TRDN: variants seen among roughly 807,000 people sequenced by gnomAD.
The protein encoded by TRDN is triadin in skeletal muscle.
Under a neutral mutation model 149.7 loss-of-function variants are expected in TRDN, and 161 were observed. The ratio of observed to expected loss-of-function variants is 1.08; its 90% CI spans 0.95 to 1.23. The LOEUF is 1.23. Ranked by LOEUF, TRDN falls within the 50% of genes most tolerant of loss-of-function variation. The pLI is 0.00. For synonymous variants in TRDN, 294 were observed against 250.5 expected, an observed-to-expected ratio of 1.17 and a Z score of -1.64; for missense variants, 896 against 823.5, an observed-to-expected ratio of 1.09 and a Z score of -1.08.
rs1441066761 is a variant in TRDN, at chr6:123,216,509, A to T, written c.*2092T>A. 2 of 151,990 alleles carry T rather than the reference A, an allele frequency of 1.3e-5. No individual in the cohort carries two copies. The highest frequency in any genetic ancestry group is 2.9e-5 in the Non-Finnish European group (2 of 67,946). The allele number at this position is 151,990 out of a possible 1,614,324, so 9.4% of individuals were successfully genotyped here. A position where few individuals can be genotyped will look rare whatever the true frequency, so the allele number is the denominator to read the frequency against. Reference sequence around the variant, plus strand: ...CTAAATTCTAATTACAATAAAATATATCGTTTTATCTTATCAAATAGTTTT... The same window carrying T: ...CTAAATTCTAATTACAATAAAATATTTCGTTTTATCTTATCAAATAGTTTT... On this transcript the variant is annotated 3_prime_UTR_variant, in exon 41 of 41. Transcript: ENST00000334268.
chr6:123,503,832 T>C lies in TRDN; in HGVS notation c.680A>G (p.Gln227Arg). Residue 227 changes from glutamine (Q) to arginine (R), a missense_variant, in exon 8 of 41, where the codon CAG (glutamine) becomes CGG (arginine). Physicochemically the swap from Gln to Arg is conservative, Grantham distance 43. Coordinates refer to ENST00000334268, the MANE Select transcript of TRDN (RefSeq NM_006073.4). ...KTKKEVKGGK[Q>R]EKVKQTAAKV... ...TGCAGCTGTTTGCTTCACTTTCTCCTGTTTTCCACCTTTCACTTCCTTTTT... is the reference window on the plus strand; with the variant it reads ...TGCAGCTGTTTGCTTCACTTTCTCCCGTTTTCCACCTTTCACTTCCTTTTT... 2 of 1,606,440 alleles carry C rather than the reference T, an allele frequency of 1.2e-6. No individual in the cohort carries two copies. The highest frequency in any genetic ancestry group is 2.7e-5 in the African/African-American group (2 of 74,998).
chr6:123,497,963 C>T (rs995273293), intron 8 of TRDN, among the ~76,000 whole-genome samples: 1 of 113,264 alleles, frequency 8.8e-6, no homozygotes, highest in Non-Finnish European at 1.9e-5. Context: ...TTTGGGCAGA[C>T]CTGGTCTTCA....
Position 123,274,621 on chromosome 6 carries a change from T to C in TRDN, c.1597+20A>G, listed in dbSNP as rs1334825625. 11 of 1,600,674 alleles carry C rather than the reference T, an allele frequency of 6.9e-6. No homozygotes were observed. The highest frequency in any genetic ancestry group is 1.1e-5 in the South Asian group (1 of 89,194). ...AGATAATGTCAACTCTGAATCTATATAAAATAAAGCTCATGTTACCTGGTT... is the reference window on the plus strand; with the variant it reads ...AGATAATGTCAACTCTGAATCTATACAAAATAAAGCTCATGTTACCTGGTT... On this transcript the variant is annotated intron_variant, in intron 27 of 40. Transcript: ENST00000334268.
rs979108177 is a variant in TRDN, at chr6:123,216,727, T to C, written c.*1874A>G. The C allele has an allele frequency of 5.9e-5, 9 of 151,918 alleles. No homozygotes were observed. Among genetic ancestry groups the C allele is most frequent in the Middle Eastern group, 3.2e-3 (1 of 316 alleles). 9.4% of individuals were successfully genotyped at this position (151,918 alleles called of 1,614,324 possible). ...TTTACTCATGGAGAAACAAACATAGTATGTTTAGTAAATTTTTCAAGGTCA... is the reference window on the plus strand; with the variant it reads ...TTTACTCATGGAGAAACAAACATAGCATGTTTAGTAAATTTTTCAAGGTCA... On this transcript the variant is annotated 3_prime_UTR_variant, in exon 41 of 41. Coordinates refer to ENST00000334268, the MANE Select transcript of TRDN (RefSeq NM_006073.4).
At chr6:123,230,521 G>T (rs1358679579) in intron 38 of TRDN, among the ~76,000 whole-genome samples, 1 of 133,016 alleles carries the variant, frequency 7.5e-6, no homozygotes, top group African/African-American at 3.0e-5. Context: ...ATATACCCTA[G>T]AACTTAAAGT....
At chr6:123,466,028 A>C (rs184822653) in intron 9 of TRDN, among the ~76,000 whole-genome samples, 112 of 152,316 alleles carry the variant, frequency 7.4e-4, no homozygotes, top group Middle Eastern at 3.4e-3. Flanking sequence ...TGTTCATCAT[A>C]TATGGTTCTT....
In TRDN at chr6:123,520,968, T is replaced by C. The variant is rs114148805; in HGVS notation, c.485-4762A>G. Among the ~76,000 whole-genome samples the C allele has an allele frequency of 4.2e-3, 638 of 152,276 alleles. 7 individuals carry two copies. The highest frequency in any genetic ancestry group is 0.015 in the African/African-American group (604 of 41,568). On this transcript the variant is annotated intron_variant, in intron 5 of 40. Coordinates refer to ENST00000334268, the MANE Select transcript of TRDN (RefSeq NM_006073.4). ...ACAGTACAGGAAGACTAAATGAATT[T>C]GTGGGCTTTAAGAGCATTTTTATAA...
At chr6:123,437,533 G>A (rs951584391) in intron 12 of TRDN, 5 of 206,168 alleles carry the variant, frequency 2.4e-5, no homozygotes, top group Non-Finnish European at 4.9e-5. Context: ...GGCCACTCTA[G>A]TAGCTGGGAC....
At chr6:123,424,223 A>C (rs1204052836) in intron 12 of TRDN, among the ~76,000 whole-genome samples, 1 of 152,124 alleles carries the variant, frequency 6.6e-6, no homozygotes, top group African/African-American at 2.4e-5. Flanking sequence ...CATCAAACTG[A>C]ATAAAAAACT....
chr6:123,492,148 G>T (rs1225055108), intron 9 of TRDN, among the ~76,000 whole-genome samples: 1 of 152,034 alleles, frequency 6.6e-6, no homozygotes, highest in Non-Finnish European at 1.5e-5. Flanking sequence ...ATTCTGATAG[G>T]TGAGTACCCT....
At position 123,499,703 on chromosome 6, in the gene TRDN, C is replaced by CAAAAAAA. The variant is rs775014014; in HGVS notation, c.794-2458_794-2452dup. ...TGGGCAACATAGTGAGATTCTGGCT[C>CAAAAAAA]AAAAAAAAAAAAAAAAATATATATA... On this transcript the variant is annotated intron_variant, in intron 8 of 40. Transcript: ENST00000334268. Among the ~76,000 whole-genome samples the CAAAAAAA allele has an allele frequency of 3.3e-3, 75 of 22,746 alleles. 6 individuals are homozygous for CAAAAAAA. The highest frequency in any genetic ancestry group is 8.1e-3 in the East Asian group (10 of 1,232). 14.9% of individuals were successfully genotyped at this position (22,746 alleles called of 152,430 possible).
intron 38 of TRDN, among the ~76,000 whole-genome samples, chr6:123,232,390 T>C (rs984638481): frequency 6.6e-6 from 1 of 151,902 alleles, no homozygotes; most frequent in Non-Finnish European, 1.5e-5. Context: ...GGGAGACTGT[T>C]GGGGCAGAAA....
intron 3 of TRDN, among the ~76,000 whole-genome samples, chr6:123,547,629 C>T (rs1364019980): frequency 2.0e-5 from 3 of 151,868 alleles, no homozygotes; most frequent in African/African-American, 7.3e-5. Context: ...GGTTATATAT[C>T]ATATTAATTT....
At chr6:123,277,205 T>C (rs988718223) in intron 26 of TRDN, among the ~76,000 whole-genome samples, 4 of 152,166 alleles carry the variant, frequency 2.6e-5, no homozygotes, top group African/African-American at 4.8e-5. Flanking sequence ...AAGTTTTATA[T>C]GTAACTGATT....
chr6:123,379,118 T>C (rs1781619907), intron 16 of TRDN, among the ~76,000 whole-genome samples: 1 of 152,186 alleles, frequency 6.6e-6, no homozygotes, highest in South Asian at 2.1e-4. Flanking sequence ...ATTCTTAAAG[T>C]TTTATTTAAT....
intron 35 of TRDN, among the ~76,000 whole-genome samples, chr6:123,258,243 C>T (rs1258842941): frequency 1.3e-5 from 2 of 152,160 alleles, no homozygotes; most frequent in Non-Finnish European, 2.9e-5. Context: ...CCAGCTTTTG[C>T]ACTTTCAGTA....
intron 7 of TRDN, chr6:123,509,961 G>A (rs1218225233): frequency 6.6e-6 from 1 of 151,986 alleles, no homozygotes; most frequent in Non-Finnish European, 1.5e-5. Context: ...CTCTCTAGAG[G>A]TCACTTTCTT....
At chr6:123,240,709 A>G (rs1044769148) in intron 38 of TRDN, among the ~76,000 whole-genome samples, 6 of 151,968 alleles carry the variant, frequency 3.9e-5, no homozygotes, top group African/African-American at 9.6e-5. Flanking sequence ...GACTTGTTCT[A>G]TAACTACATC....
chr6:123,484,481 A>G (rs1777897475), intron 9 of TRDN, among the ~76,000 whole-genome samples: 1 of 152,180 alleles, frequency 6.6e-6, no homozygotes, highest in Admixed American at 6.6e-5. Context: ...TTAATAAATA[A>G]CACATAATTA....
Sources: gnomAD v4.1 joint callset for allele counts (sites outside exome capture counted in the v4.1 genomes callset) on GRCh38, gnomAD v4.1.1 for gene constraint, MANE v1.5 for transcripts, NCBI Gene and HGNC (gene_info 2026-07-23, HGNC 2026-07-21) for gene names.